The following ZNHIT6 variants were observed in gnomAD, a reference collection of about 807,000 sequenced individuals.
ZNHIT6 encodes zinc finger HIT-type containing 6, also known as box C/D snoRNA protein 1.
In ZNHIT6, 45 loss-of-function variants were observed where a neutral mutation model predicts 57.2. The ratio of observed to expected loss-of-function variants is 0.79; its 90% confidence interval spans 0.62 to 1.01. The LOEUF is 1.01. ZNHIT6 is among the 50% of genes least tolerant of loss of function. ZNHIT6 has a pLI of 0.00. For missense variants in ZNHIT6, 528 were observed against 567.3 expected, an observed-to-expected ratio of 0.93 and a Z score of 0.70; for synonymous variants, 188 against 190.0, an observed-to-expected ratio of 0.99 and a Z score of 0.09.
At chr1:85,666,857 T>A (rs991961820) in intron 8 of ZNHIT6, among the ~76,000 whole-genome samples, 4 of 152,212 alleles carry the variant, frequency 2.6e-5, no homozygotes, top group Non-Finnish European at 5.9e-5. Flanking sequence ...CTTTGTTCTG[T>A]AATAGAATAC....
At chr1:85,672,289 T>C (rs566092919) in intron 8 of ZNHIT6, among the ~76,000 whole-genome samples, 2 of 152,180 alleles carry the variant, frequency 1.3e-5, no homozygotes, top group Non-Finnish European at 2.9e-5. Context: ...CTTACTGCTT[T>C]TTTTTTGCTA....
chr1:85,676,866 T>C (rs746091091), intron 8 of ZNHIT6, among the ~76,000 whole-genome samples: 1 of 151,956 alleles, frequency 6.6e-6, no homozygotes, highest in Non-Finnish European at 1.5e-5. Context: ...ACTGAACATG[T>C]GCTGTTGGAA....
Position 85,657,941 on chromosome 1 carries a change from G to A in ZNHIT6, c.1278C>T (p.Leu426=). Residue 426 remains leucine, a synonymous_variant, in exon 9 of 10, where the codon CTC becomes CTT. Coordinates refer to ENST00000370574, the MANE Select transcript of ZNHIT6 (RefSeq NM_017953.4). ...RYYELDPYKS[L]LDNLRNKVII... Reference sequence around the variant, plus strand: ...TCACTTTGTTCCTCAAATTGTCTAGGAGACTTTTATAAGGATCTAGTTCAT... The same window carrying A: ...TCACTTTGTTCCTCAAATTGTCTAGAAGACTTTTATAAGGATCTAGTTCAT... The A allele has an allele frequency of 6.4e-7, 1 of 1,570,188 alleles. No individual in the cohort carries two copies. Among genetic ancestry groups the A allele is most frequent in the Non-Finnish European group, 8.7e-7 (1 of 1,146,428 alleles).
intron 5 of ZNHIT6, among the ~76,000 whole-genome samples, chr1:85,697,874 T>C (rs768841825): frequency 6.6e-6 from 1 of 152,202 alleles, no homozygotes; most frequent in African/African-American, 2.4e-5. Flanking sequence ...AGAATTTACA[T>C]TTTCTTCATA....
At chr1:85,702,315 A>T in intron 4 of ZNHIT6, 55 bp from the exon 5 acceptor site, 1 of 1,090,404 alleles carries the variant, frequency 9.2e-7, no homozygotes, top group Non-Finnish European at 1.4e-6. Context: ...AAATTTAAAA[A>T]GTGAGTAAAA....
chr1:85,690,802 G>T (rs1470824549), intron 5 of ZNHIT6, among the ~76,000 whole-genome samples: 1 of 152,130 alleles, frequency 6.6e-6, no homozygotes, highest in Non-Finnish European at 1.5e-5. Context: ...GAGGCGAGCG[G>T]ATCACTTGAG....
intron 8 of ZNHIT6, among the ~76,000 whole-genome samples, chr1:85,673,375 T>C (rs1661617441): frequency 6.6e-6 from 1 of 152,212 alleles, no homozygotes; most frequent in African/African-American, 2.4e-5. Context: ...AGATTAGACA[T>C]ACATTCTAGG....
chr1:85,661,183 G>A (rs1220000148), intron 8 of ZNHIT6, among the ~76,000 whole-genome samples: 1 of 152,106 alleles, frequency 6.6e-6, no homozygotes, highest in Admixed American at 6.5e-5. Context: ...ATATTTTATG[G>A]ACTTGGAATT....
At chr1:85,687,919 T>C (rs985472839) in intron 5 of ZNHIT6, among the ~76,000 whole-genome samples, 1 of 151,988 alleles carries the variant, frequency 6.6e-6, no homozygotes, top group Admixed American at 6.6e-5. Context: ...GGCGTGCGCC[T>C]GTAGTCCCAG....
intron 8 of ZNHIT6, among the ~76,000 whole-genome samples, chr1:85,668,905 G>C (rs1180045008): frequency 6.6e-6 from 1 of 152,046 alleles, no homozygotes; most frequent in African/African-American, 2.4e-5. Context: ...TCCTCAAAGA[G>C]TTTACCAACC....
At chr1:85,691,655 G>A (rs999467819) in intron 5 of ZNHIT6, among the ~76,000 whole-genome samples, 40 of 152,170 alleles carry the variant, frequency 2.6e-4, no homozygotes, top group African/African-American at 9.6e-4. Flanking sequence ...CCAGCACTTT[G>A]GGAGGCCGAG....
chr1:85,708,047 G>A lies in ZNHIT6; in HGVS notation c.238C>T (p.Gln80Ter). ...GTACCTGGCCAGTCTATAATTTCCT[G>A]CTTCACTACCGTTAGGTCCATCGGT... Reference protein sequence around the residue: ...EIPMDLTVVKQEIIDWPGTEG... With the variant: ...EIPMDLTVVK The change falls in exon 1 of 10, where the codon CAG becomes TAG. Residue 80 changes from glutamine to a stop codon, truncating the protein, a stop_gained. Coordinates refer to ENST00000370574, the MANE Select transcript of ZNHIT6 (RefSeq NM_017953.4). LOFTEE classifies it high-confidence loss of function. 1 of 1,614,044 alleles carries A rather than the reference G, an allele frequency of 6.2e-7. No homozygotes were observed. Among genetic ancestry groups the A allele is most frequent in the Non-Finnish European group, 8.5e-7 (1 of 1,180,014 alleles).
At chr1:85,681,922 C>T (rs1340950619) in intron 5 of ZNHIT6, among the ~76,000 whole-genome samples, 1 of 150,566 alleles carries the variant, frequency 6.6e-6, no homozygotes, top group Admixed American at 6.6e-5. Context: ...AAACATTTTG[C>T]AATATTCATT....
intron 5 of ZNHIT6, among the ~76,000 whole-genome samples, chr1:85,681,689 A>C (rs1661877351): frequency 6.6e-6 from 1 of 152,136 alleles, no homozygotes; most frequent in Non-Finnish European, 1.5e-5. Flanking sequence ...CAAAATCTAA[A>C]ATAATTTTCT....
At chr1:85,694,792 C>T (rs990171826) in intron 5 of ZNHIT6, among the ~76,000 whole-genome samples, 5 of 152,064 alleles carry the variant, frequency 3.3e-5, no homozygotes, top group Non-Finnish European at 7.4e-5. Context: ...TGGGAAAAAA[C>T]TTTAAATAGG....
In ZNHIT6 at chr1:85,667,946, T is replaced by TAAAAAAAAAAAAAAAA. The variant is rs1471641849; in HGVS notation, c.1247+9289_1247+9290insTTTTTTTTTTTTTTTT. Among the ~76,000 whole-genome samples the TAAAAAAAAAAAAAAAA allele has an allele frequency of 3.2e-3, 12 of 3,742 alleles. 1 individual carries two copies. The highest frequency in any genetic ancestry group is 4.9e-3 in the Non-Finnish European group (9 of 1,852). The allele number at this position is 3,742 out of a possible 152,430, so 2.5% of individuals were successfully genotyped here. ...GAGACTCATTCACTCACTCTCTCTTTCAAAAAAAAAAAAAAATATATATAT... is the reference window on the plus strand; with the variant it reads ...GAGACTCATTCACTCACTCTCTCTTTAAAAAAAAAAAAAAAACAAAAAAAAAAAAAAATATATATAT... On this transcript the variant is annotated intron_variant, in intron 8 of 9. Coordinates refer to ENST00000370574, the MANE Select transcript of ZNHIT6 (RefSeq NM_017953.4).
rs190862584 is a variant in ZNHIT6, at chr1:85,677,125, A to C, written c.1247+111T>G. ...TTTGACTTGAAAGTTGAAAAGTAAA[A>C]GTCATGTTCATAGCTAGATAATTAG... On this transcript the variant is annotated intron_variant, in intron 8 of 9. Coordinates refer to ENST00000370574, the MANE Select transcript of ZNHIT6 (RefSeq NM_017953.4). 4.2e-4 allele frequency: 299 copies of C among 707,276 alleles called. 1 individual carries two copies. The African/African-American group carries it at 4.4e-3, about 10-fold the overall frequency. 43.8% of individuals were successfully genotyped at this position (707,276 alleles called of 1,614,324 possible). A position where few individuals can be genotyped will look rare whatever the true frequency, so the allele number is the denominator to read the frequency against.
At chr1:85,699,366 T>C (rs1456623844) in intron 5 of ZNHIT6, among the ~76,000 whole-genome samples, 1 of 152,162 alleles carries the variant, frequency 6.6e-6, no homozygotes, top group East Asian at 1.9e-4. Context: ...GTCTACATTA[T>C]GTTAATTATC....
chr1:85,684,446 C>T (rs1245700328), intron 5 of ZNHIT6, among the ~76,000 whole-genome samples: 4 of 152,120 alleles, frequency 2.6e-5, no homozygotes, highest in African/African-American at 9.7e-5. Context: ...CAAAATCTTG[C>T]TATTTTAATG....
Sources: gnomAD v4.1 joint callset for allele counts (sites outside exome capture counted in the v4.1 genomes callset) on GRCh38, gnomAD v4.1.1 for gene constraint, MANE v1.5 for transcripts, NCBI Gene and HGNC (gene_info 2026-07-23, HGNC 2026-07-21) for gene names.